The following GGT7 variants were observed in gnomAD, a reference collection of about 807,000 sequenced individuals.
The protein encoded by GGT7 is gamma-glutamyltransferase 7, also known as glutathione hydrolase 7.
In GGT7, 30 loss-of-function variants were observed where a neutral mutation model predicts 69.2. The observed-to-expected ratio is 0.43, with a 90% confidence interval of 0.32 to 0.59. GGT7 has a LOEUF of 0.59. Among genes scored for constraint, GGT7 ranks in the 20% least tolerant of loss-of-function variants. The pLI is 0.05. For synonymous variants in GGT7, 388 were observed against 391.8 expected, an observed-to-expected ratio of 0.99 and a Z score of 0.12; for missense variants, 733 against 901.1, an observed-to-expected ratio of 0.81 and a Z score of 2.39.
At chr20:34,860,426 G>T in intron 4 of GGT7, 105 bp from the exon 5 acceptor site, 1 of 857,566 alleles carries the variant, frequency 1.2e-6, no homozygotes, top group South Asian at 1.4e-5. Context: ...TGGCACAGGG[G>T]AGAGACACAG....
intron 10 of GGT7, among the ~76,000 whole-genome samples, chr20:34,853,708 T>C (rs1486543373): frequency 6.6e-6 from 1 of 152,174 alleles, no homozygotes; most frequent in Non-Finnish European, 1.5e-5. Context: ...ACATGTATGA[T>C]TTTGTTTAGT....
At position 34,845,566 on chromosome 20, in the gene GGT7, A is replaced by G. The variant is rs2079291708; in HGVS notation, c.1826-75T>C. The G allele has an allele frequency of 5.4e-6, 7 of 1,298,518 alleles. No homozygotes were observed. The Admixed American group carries it at 9.3e-5, about 17-fold the overall frequency. 80.4% of individuals were successfully genotyped at this position (1,298,518 alleles called of 1,614,324 possible). A position where few individuals can be genotyped will look rare whatever the true frequency, so the allele number is the denominator to read the frequency against. On this transcript the variant is annotated intron_variant, in intron 14 of 14. Transcript: ENST00000336431. ...TTCAAGAGTCCTACAGTCAGACCTG[A>G]GTCCTCATCCTGGCTGCTCCACCAC...
intron 1 of GGT7, among the ~76,000 whole-genome samples, chr20:34,869,328 C>T (rs565203988): frequency 4.6e-5 from 7 of 152,082 alleles, no homozygotes; most frequent in Non-Finnish European, 1.0e-4. Flanking sequence ...TGCACCACCA[C>T]ACCTGGCTAA....
Position 34,859,647 on chromosome 20 carries a change from C to A in GGT7, c.818-8G>T. Reference sequence around the variant, plus strand: ...GTTCAGCCAGGGCACGGGCTAGGGGCAGGGACGGGAGGCTGGGCAGGGCGG... The same window carrying A: ...GTTCAGCCAGGGCACGGGCTAGGGGAAGGGACGGGAGGCTGGGCAGGGCGG... On this transcript the variant is annotated splice_region_variant and splice_polypyrimidine_tract_variant and intron_variant, in intron 6 of 14. Coordinates refer to ENST00000336431, the MANE Select transcript of GGT7 (RefSeq NM_178026.3). 1 of 1,581,388 alleles carries A rather than the reference C, an allele frequency of 6.3e-7. No homozygotes were observed. The highest frequency in any genetic ancestry group is 1.1e-5 in the South Asian group (1 of 87,364).
chr20:34,858,725 A>C (rs1005842830), intron 7 of GGT7, among the ~76,000 whole-genome samples: 1 of 152,216 alleles, frequency 6.6e-6, no homozygotes, highest in Non-Finnish European at 1.5e-5. Flanking sequence ...TGCTTCCCTC[A>C]GTCCCTAGAA....
In GGT7 at chr20:34,852,464, T is replaced by C. The variant is rs1205719209; in HGVS notation, c.1394A>G (p.Tyr465Cys). 1.1e-5 allele frequency: 17 copies of C among 1,612,802 alleles called. No individual in the cohort carries two copies. Among genetic ancestry groups the C allele is most frequent in the Non-Finnish European group, 1.4e-5 (16 of 1,179,558 alleles). Residue 465 changes from tyrosine to cysteine, a missense_variant, in exon 11 of 15, where the codon TAT becomes TGT. Coordinates refer to ENST00000336431, the MANE Select transcript of GGT7 (RefSeq NM_178026.3). ...AGCCGTGGGAGCTCCGTCTAGTTCA[T>C]AGACAGGCAGGAGTGGGGCAGGGGC... ...QAAPAPLLPVYELDGAPTAAQ... is the reference protein window; with the variant it reads ...QAAPAPLLPVCELDGAPTAAQ...
At chr20:34,848,410 C>T (rs1370744614) in intron 14 of GGT7, among the ~76,000 whole-genome samples, 1 of 152,254 alleles carries the variant, frequency 6.6e-6, no homozygotes, top group Non-Finnish European at 1.5e-5. Flanking sequence ...ACTTTCCCTT[C>T]ACCAAGCCCC....
At chr20:34,858,393 T>C (rs2079529534) in intron 7 of GGT7, among the ~76,000 whole-genome samples, 1 of 152,210 alleles carries the variant, frequency 6.6e-6, no homozygotes, top group South Asian at 2.1e-4. Context: ...CAGTTAAGTC[T>C]GTTTGAGTCT....
Position 34,856,787 on chromosome 20 carries a change from G to A in GGT7, c.1102+19C>T. The A allele has an allele frequency of 6.7e-7, 1 of 1,491,152 alleles. No homozygotes were observed. The highest frequency in any genetic ancestry group is 9.3e-7 in the Non-Finnish European group (1 of 1,072,280). 92.4% of individuals were successfully genotyped at this position (1,491,152 alleles called of 1,614,324 possible). A position where few individuals can be genotyped will look rare whatever the true frequency, so the allele number is the denominator to read the frequency against. On this transcript the variant is annotated intron_variant, in intron 8 of 14. Coordinates refer to ENST00000336431, the MANE Select transcript of GGT7 (RefSeq NM_178026.3). ...GGCTTCTCCTGAGGGGGGACCCTGG[G>A]AGCCGGGGGAGAGGTCACCTCTGTA... is the stretch of plus-strand genomic sequence containing the variant.
Position 34,863,389 on chromosome 20 carries a change from A to ATGACC in GGT7, c.324_328dup (p.Ile110ArgfsTer36). 2 of 1,614,016 alleles carry ATGACC rather than the reference A, an allele frequency of 1.2e-6. No homozygotes were observed. The highest frequency in any genetic ancestry group is 1.7e-6 in the Non-Finnish European group (2 of 1,180,026). The stretch of plus-strand genomic sequence containing the variant: ...AGCGAAGGTGAGACAGGCCGTGACG[A>ATGACC]TGACCGTGAGCCCATCCTGGCGGCA... On this transcript the variant is annotated frameshift_variant, in exon 2 of 15. Transcript: ENST00000336431. LOFTEE classifies it high-confidence loss of function. The surrounding 1 kb of genome is among the most constrained non-coding windows in gnomAD (Gnocchi z 4.4).
intron 1 of GGT7, among the ~76,000 whole-genome samples, chr20:34,864,857 T>C (rs1343356898): frequency 1.3e-5 from 2 of 152,108 alleles, no homozygotes; most frequent in African/African-American, 4.8e-5. Flanking sequence ...AGTTTCGCTC[T>C]TGTTGCCCAG....
chr20:34,845,000 G>C lies in GGT7; in HGVS notation c.*328C>G, dbSNP rs1315722911. 1 of 318,650 alleles carries C rather than the reference G, an allele frequency of 3.1e-6. No homozygotes were observed. The highest frequency in any genetic ancestry group is 6.4e-5 in the East Asian group (1 of 15,510). 19.7% of individuals were successfully genotyped at this position (318,650 alleles called of 1,614,324 possible). On this transcript the variant is annotated 3_prime_UTR_variant, in exon 15 of 15. Transcript: ENST00000336431. ...TGAGACCCTTGAGAAGGGTTTGCAA[G>C]CACATCCCTAAGCTCGGGGCCAGCA...
At chr20:34,857,615 A>AT (rs5841184) in intron 7 of GGT7, among the ~76,000 whole-genome samples, 13,375 of 118,046 alleles carry the variant, frequency 0.11, 1,112 homozygotes, top group South Asian at 0.29. Context: ...TTACACATTG[A>AT]TTTTTTTTTT....
intron 3 of GGT7, among the ~76,000 whole-genome samples, chr20:34,861,838 C>A (rs1042394838): frequency 6.6e-6 from 1 of 152,120 alleles, no homozygotes; most frequent in Non-Finnish European, 1.5e-5. Flanking sequence ...CAGAGACTGG[C>A]AGAACAGGAT....
At chr20:34,853,933 A>C (rs2079442378) in intron 10 of GGT7, among the ~76,000 whole-genome samples, 1 of 151,906 alleles carries the variant, frequency 6.6e-6, no homozygotes, top group Admixed American at 6.6e-5. Flanking sequence ...TTGCTTGGAG[A>C]CTGTTTGTTT....
In GGT7 at chr20:34,863,606, C is replaced by G; in HGVS notation, c.170-58G>C. 14 of 1,126,086 alleles carry G rather than the reference C, an allele frequency of 1.2e-5. No individual in the cohort carries two copies. Among genetic ancestry groups the G allele is most frequent in the Non-Finnish European group, 1.7e-5 (13 of 759,944 alleles). The allele number at this position is 1,126,086 out of a possible 1,614,324, so 69.8% of individuals were successfully genotyped here. ...TCTCCTATCTGGCCCTGCCCACCCT[C>G]CAGGTGGGACTATTCAGCGCTTTCC... is the stretch of plus-strand genomic sequence containing the variant. On this transcript the variant is annotated intron_variant, in intron 1 of 14. Transcript: ENST00000336431. This position sits in a 1 kb window ranked among gnomAD's most constrained non-coding sequence, Gnocchi z 4.4.
In GGT7 at chr20:34,850,055, C is replaced by A; in HGVS notation, c.1731G>T (p.Leu577=). The change falls in exon 14 of 15, where the codon CTG becomes CTT. Residue 577 remains leucine, a synonymous_variant. Transcript: ENST00000336431. ...TCCGGTTCAAGGTCAGGACATTCAG[C>A]AGAACCTGTGGTAGCCAAGGTACAG... ...ARGLSGLTQV[L]LNVLTLNRNL... The A allele has an allele frequency of 6.2e-7, 1 of 1,612,226 alleles. No individual in the cohort carries two copies.
At position 34,872,782 on chromosome 20, in the gene GGT7, C is replaced by A. The variant is rs1358907971; in HGVS notation, c.34G>T (p.Ala12Ser). ...TCCACTGGCGAGTAGGCGCCCAGGGCGCTCTCCTGGCTGGCCTCGTTCTCC... is the reference window on the plus strand; with the variant it reads ...TCCACTGGCGAGTAGGCGCCCAGGGAGCTCTCCTGGCTGGCCTCGTTCTCC... ...AAENEASQESALGAYSPVDYM... is the reference protein window; with the variant it reads ...AAENEASQESSLGAYSPVDYM... The change falls in exon 1 of 15, where the codon GCC (alanine) becomes TCC (serine). Residue 12 changes from alanine to serine, a missense_variant. Coordinates refer to ENST00000336431, the MANE Select transcript of GGT7 (RefSeq NM_178026.3). The A allele has an allele frequency of 2.1e-6, 3 of 1,413,574 alleles. No individual in the cohort carries two copies. Among genetic ancestry groups the A allele is most frequent in the Admixed American group, 3.1e-5 (1 of 32,258 alleles). 87.6% of individuals were successfully genotyped at this position (1,413,574 alleles called of 1,614,324 possible).
In GGT7 at chr20:34,845,402, G is replaced by A. The variant is rs1306383401; in HGVS notation, c.1915C>T (p.Arg639Ter). 1.9e-6 allele frequency: 3 copies of A among 1,614,074 alleles called. No homozygotes were observed. The highest frequency in any genetic ancestry group is 2.5e-6 in the Non-Finnish European group (3 of 1,179,992). The change falls in exon 15 of 15, where the codon CGA (arginine) becomes TGA (stop). Residue 639 changes from arginine to a stop codon, truncating the protein, a stop_gained. Transcript: ENST00000336431. LOFTEE classifies it high-confidence loss of function. ...GCGATGATGAAGTTGTTGGTCCTTCGGCTGCCATGGACCCAGGATAAGACA... is the reference window on the plus strand; with the variant it reads ...GCGATGATGAAGTTGTTGGTCCTTCAGCTGCCATGGACCCAGGATAAGACA... Reference protein sequence around the residue: ...VDVLSWVHGSRRTNNFIIAVK... With the variant: ...VDVLSWVHGS
Sources: gnomAD v4.1 joint callset for allele counts (sites outside exome capture counted in the v4.1 genomes callset) on GRCh38, gnomAD v4.1.1 for gene constraint, Gnocchi (gnomAD v3.1) non-coding constraint, MANE v1.5 for transcripts, NCBI Gene and HGNC (gene_info 2026-07-23, HGNC 2026-07-21) for gene names.